Variants in CBFA2T2 observed in about 807,000 individuals in gnomAD.
The protein encoded by CBFA2T2 is CBFA2/RUNX1 partner transcriptional co-repressor 2.
Under a neutral mutation model 62.2 loss-of-function variants are expected in CBFA2T2, and 11 were observed. That is an observed-to-expected ratio of 0.18 (90% confidence interval 0.11 to 0.29). The LOEUF (loss-of-function observed/expected upper bound fraction) is 0.29, where lower values mean the gene tolerates loss of function less well. CBFA2T2 is among the 10% of genes least tolerant of loss of function. The probability of loss-of-function intolerance (pLI) is 1.00; values close to 1 mark genes in which losing one functional copy is unlikely to be tolerated. For missense variants in CBFA2T2, 592 were observed against 774.1 expected, an observed-to-expected ratio of 0.76 and a Z score of 2.79; for synonymous variants, 295 against 287.5, an observed-to-expected ratio of 1.03 and a Z score of -0.27.
At chr20:33,497,547 CTTT>C (rs756491939) in intron 1 of CBFA2T2, among the ~76,000 whole-genome samples, 166 of 114,642 alleles carry the variant, frequency 1.4e-3, no homozygotes, top group African/African-American at 5.4e-3. Flanking sequence ...AGCTTGTATA[CTTT>C]TTTTTTTTTT....
rs181795037 is a variant in CBFA2T2 at position 33,523,221 on chromosome 20, A to T, written c.34+32920A>T. Among the ~76,000 whole-genome samples the T allele has an allele frequency of 6.6e-5, 10 of 152,288 alleles. No individual in the cohort carries two copies. In the East Asian group the frequency reaches 1.7e-3, roughly 26 times the overall value. On this transcript the variant is annotated intron_variant, in intron 1 of 10. Coordinates refer to ENST00000342704, the MANE Select transcript of CBFA2T2 (RefSeq NM_001032999.3). ...TTTAGTAAGATTTCCCAGGTGATTC[A>T]TATGAACATTAAAATTTGAGACATA...
chr20:33,621,593 G>T (rs553134882), intron 4 of CBFA2T2, among the ~76,000 whole-genome samples: 1 of 152,134 alleles, frequency 6.6e-6, no homozygotes, highest in African/African-American at 2.4e-5. Context: ...GAGCCACCGT[G>T]CCCAGCGTCT....
At chr20:33,599,588 C>CTT (rs1207752005) in intron 1 of CBFA2T2, among the ~76,000 whole-genome samples, 23 of 141,438 alleles carry the variant, frequency 1.6e-4, no homozygotes, top group East Asian at 8.0e-4. Flanking sequence ...GGTAATTTCC[C>CTT]TTTTTTTTTT....
intron 2 of CBFA2T2, among the ~76,000 whole-genome samples, chr20:33,609,369 G>A (rs950734061): frequency 6.6e-6 from 1 of 152,094 alleles, no homozygotes; most frequent in African/African-American, 2.4e-5. Flanking sequence ...GGATGTGGTG[G>A]TGCGTGCCTG....
chr20:33,619,116 T>C (rs978925745), intron 3 of CBFA2T2, among the ~76,000 whole-genome samples: 2 of 152,324 alleles, frequency 1.3e-5, no homozygotes, highest in African/African-American at 4.8e-5. Flanking sequence ...GGCTCACCCC[T>C]GTAATCCCAA....
intron 1 of CBFA2T2, among the ~76,000 whole-genome samples, chr20:33,539,327 T>C (rs1218351693): frequency 1.3e-5 from 2 of 152,224 alleles, no homozygotes; most frequent in African/African-American, 4.8e-5. Flanking sequence ...AGTCTGGCAC[T>C]AGTGTGAGCA....
intron 1 of CBFA2T2, among the ~76,000 whole-genome samples, chr20:33,568,584 T>A (rs1039020797): frequency 6.6e-5 from 10 of 152,110 alleles, no homozygotes; most frequent in African/African-American, 2.4e-4. Context: ...GTCCCTCTGC[T>A]CCCAGCACCA....
intron 1 of CBFA2T2, among the ~76,000 whole-genome samples, chr20:33,547,223 C>G (rs946379277): frequency 1.3e-5 from 2 of 151,490 alleles, no homozygotes; most frequent in Admixed American, 1.3e-4. Context: ...TAAAAAAGAC[C>G]GGAAATAAAA....
chr20:33,580,016 C>T (rs2014040775), intron 1 of CBFA2T2, among the ~76,000 whole-genome samples: 1 of 151,946 alleles, frequency 6.6e-6, no homozygotes, highest in South Asian at 2.1e-4. Context: ...GGGGTTTCTC[C>T]ATGTTGGTCA....
chr20:33,507,470 A>C (rs1048009811), intron 1 of CBFA2T2, among the ~76,000 whole-genome samples: 1 of 152,212 alleles, frequency 6.6e-6, no homozygotes, highest in Non-Finnish European at 1.5e-5. Context: ...ACAACATAAA[A>C]AAATAATTTT....
chr20:33,501,265 ATAC>A (rs1347410488), intron 1 of CBFA2T2, among the ~76,000 whole-genome samples: 1 of 152,146 alleles, frequency 6.6e-6, no homozygotes, highest in Non-Finnish European at 1.5e-5. Flanking sequence ...AGCTCCCTTG[ATAC>A]ACTATTTTGG....
rs191565208 is a variant in CBFA2T2, at chr20:33,539,631, G to T, written c.34+49330G>T. ...TGATTGTATAGTTAATTTGGAAGCAGTGCATCAAAATACTTTGTAGGGTGA... is the reference window on the plus strand; with the variant it reads ...TGATTGTATAGTTAATTTGGAAGCATTGCATCAAAATACTTTGTAGGGTGA... On this transcript the variant is annotated intron_variant, in intron 1 of 10. Coordinates refer to ENST00000342704, the MANE Select transcript of CBFA2T2 (RefSeq NM_001032999.3). Among the ~76,000 whole-genome samples, 445 of 151,712 alleles carry T rather than the reference G, an allele frequency of 2.9e-3. 2 individuals are homozygous for T. The highest frequency in any genetic ancestry group is 5.3e-3 in the Non-Finnish European group (358 of 67,968).
Position 33,574,573 on chromosome 20 carries a change from C to A in CBFA2T2, c.35-32383C>A, listed in dbSNP as rs562033748. ...CCGGGAGGCAGAGGTTGCAGTGAGC[C>A]GAGATTGTGCCATTGCACTCCAGCC... is the stretch of plus-strand genomic sequence containing the variant. On this transcript the variant is annotated intron_variant, in intron 1 of 10. Transcript: ENST00000342704. Among the ~76,000 whole-genome samples, 7 of 152,144 alleles carry A rather than the reference C, an allele frequency of 4.6e-5. 1 individual carries two copies. Among genetic ancestry groups the A allele is most frequent in the Non-Finnish European group, 1.0e-4 (7 of 68,030 alleles).
intron 1 of CBFA2T2, among the ~76,000 whole-genome samples, chr20:33,557,002 A>ATTTT (rs2012917004): frequency 8.4e-5 from 5 of 59,504 alleles, no homozygotes; most frequent in African/African-American, 3.3e-4. Context: ...TTGCATGCTT[A>ATTTT]TCTTTTTTTT....
chr20:33,549,006 G>A (rs1159418632), intron 1 of CBFA2T2, among the ~76,000 whole-genome samples: 6 of 150,916 alleles, frequency 4.0e-5, no homozygotes, highest in South Asian at 4.2e-4. Flanking sequence ...CCATCCATCC[G>A]TATTCATTCA....
chr20:33,544,394 A>G (rs1600950596), intron 1 of CBFA2T2, among the ~76,000 whole-genome samples: 1 of 152,082 alleles, frequency 6.6e-6, no homozygotes, highest in Admixed American at 6.5e-5. Context: ...AGGCTACCTT[A>G]TTTAAAACTG....
intron 4 of CBFA2T2, among the ~76,000 whole-genome samples, chr20:33,621,766 A>G (rs181053414): frequency 1.8e-4 from 27 of 152,308 alleles, no homozygotes; most frequent in Non-Finnish European, 3.2e-4. Context: ...AAAACCTTCT[A>G]TTGGAGCACA....
chr20:33,597,541 G>A (rs754639430), intron 1 of CBFA2T2, among the ~76,000 whole-genome samples: 2 of 152,142 alleles, frequency 1.3e-5, no homozygotes, highest in African/African-American at 2.4e-5. Context: ...ATCAGCCATG[G>A]CATTAGATTC....
At chr20:33,552,904 C>G (rs1429447992) in intron 1 of CBFA2T2, among the ~76,000 whole-genome samples, 2 of 152,128 alleles carry the variant, frequency 1.3e-5, no homozygotes, top group African/African-American at 4.8e-5. Context: ...TCATCTCCAC[C>G]CCATCCCCCT....
Sources: gnomAD v4.1 joint callset for allele counts (sites outside exome capture counted in the v4.1 genomes callset) on GRCh38, gnomAD v4.1.1 for gene constraint, MANE v1.5 for transcripts, NCBI Gene and HGNC (gene_info 2026-07-23, HGNC 2026-07-21) for gene names.